SRGAP2C: variants seen among roughly 807,000 people sequenced by gnomAD.
SRGAP2C encodes SLIT-ROBO Rho GTPase activating protein 2C.
A neutral mutation model predicts 25.1 loss-of-function variants in SRGAP2C; 15 were observed. That is an observed-to-expected ratio of 0.60 (90% CI 0.40 to 0.92). The LOEUF (loss-of-function observed/expected upper bound fraction) is 0.92. Among genes scored for constraint, SRGAP2C ranks in the 40% least tolerant of loss-of-function variants. SRGAP2C has a pLI of 0.00. For synonymous variants in SRGAP2C, 44 were observed against 96.6 expected (o/e 0.46, Z 3.19); for missense variants, 144 against 264.4 (o/e 0.54, Z 3.16).
chr1:121,355,285 A>G (rs1659037444), intron 4 of SRGAP2C, among the ~76,000 whole-genome samples: 1 of 147,062 alleles, frequency 6.8e-6, no homozygotes, highest in South Asian at 2.2e-4. Context: ...GCGCCTGACA[A>G]CTGCGGGTAG....
intron 2 of SRGAP2C, among the ~76,000 whole-genome samples, chr1:121,204,349 G>T (rs1655063829): frequency 6.6e-6 from 1 of 150,924 alleles, no homozygotes; most frequent in Non-Finnish European, 1.5e-5. Flanking sequence ...CAGGGTGGTT[G>T]TATAGATAAA....
At chr1:121,329,915 G>A (rs1484894469) in intron 4 of SRGAP2C, among the ~76,000 whole-genome samples, 1 of 151,788 alleles carries the variant, frequency 6.6e-6, no homozygotes, top group Non-Finnish European at 1.5e-5. Flanking sequence ...TGTAATGAAA[G>A]CTCAGTCTGT....
intron 2 of SRGAP2C, among the ~76,000 whole-genome samples, chr1:121,279,649 G>C (rs1367682707): frequency 8.8e-5 from 13 of 147,168 alleles, no homozygotes; most frequent in Admixed American, 8.2e-4. Flanking sequence ...TAGTGTCTCA[G>C]CTGTGGCCAA....
chr1:121,363,863 T>C (rs1310031157), intron 4 of SRGAP2C, among the ~76,000 whole-genome samples: 2 of 150,846 alleles, frequency 1.3e-5, no homozygotes, highest in African/African-American at 4.9e-5. Context: ...ATAACAACAC[T>C]TAGAGTGGTG....
intron 5 of SRGAP2C, among the ~76,000 whole-genome samples, chr1:121,370,250 AG>A (rs1299760118): frequency 9.4e-6 from 1 of 106,380 alleles, no homozygotes; most frequent in Non-Finnish European, 1.9e-5. Context: ...AGTTGTGAAG[AG>A]GCCTAGACCA....
chr1:121,279,856 G>A (rs1310702589), intron 2 of SRGAP2C, among the ~76,000 whole-genome samples: 1 of 138,688 alleles, frequency 7.2e-6, no homozygotes, highest in African/African-American at 2.7e-5. Context: ...TTTGCTTTAG[G>A]AATAGTCAAT....
At chr1:121,282,846 C>T (rs1487281273) in intron 2 of SRGAP2C, among the ~76,000 whole-genome samples, 11 of 150,970 alleles carry the variant, frequency 7.3e-5, no homozygotes, top group South Asian at 2.1e-4. Context: ...GCGTGAGCCA[C>T]CGCACCTGGC....
At chr1:121,315,590 G>C (rs1192814644) in intron 3 of SRGAP2C, among the ~76,000 whole-genome samples, 101 of 151,472 alleles carry the variant, frequency 6.7e-4, no homozygotes, top group African/African-American at 2.2e-3. Context: ...ATATCAACAT[G>C]GTTAATAATA....
intron 2 of SRGAP2C, among the ~76,000 whole-genome samples, chr1:121,187,794 G>T (rs1289370710): frequency 6.6e-6 from 1 of 152,126 alleles, no homozygotes; most frequent in Non-Finnish European, 1.5e-5. Context: ...CAGGGTGGGG[G>T]GAGGGGCAGG....
intron 4 of SRGAP2C, among the ~76,000 whole-genome samples, chr1:121,337,634 A>AAAATAAATAAATAAAT (rs1553342625): frequency 3.5e-5 from 5 of 143,316 alleles, no homozygotes; most frequent in African/African-American, 1.3e-4. Flanking sequence ...TCCGACTCAA[A>AAAATAAATAAATAAAT]AAATAAATAA....
At chr1:121,249,576 A>T (rs1196033669) in intron 2 of SRGAP2C, among the ~76,000 whole-genome samples, 263 of 21,218 alleles carry the variant, frequency 0.012, 1 homozygote, top group Non-Finnish European at 0.017. Flanking sequence ...ATATATATAT[A>T]TATATTTTTT....
intron 2 of SRGAP2C, among the ~76,000 whole-genome samples, chr1:121,278,823 G>A (rs1367744801): frequency 1.4e-5 from 2 of 144,656 alleles, no homozygotes; most frequent in East Asian, 2.2e-4. Context: ...GCAAGACTTG[G>A]CAGGGCATTC....
chr1:121,383,327 G>T (rs587613983), intron 8 of SRGAP2C, among the ~76,000 whole-genome samples: 2 of 150,682 alleles, frequency 1.3e-5, no homozygotes, highest in African/African-American at 2.4e-5. Context: ...TCCCAGTGGT[G>T]AGGCTAGAAG....
intron 3 of SRGAP2C, among the ~76,000 whole-genome samples, chr1:121,296,204 G>A (rs1213312524): frequency 2.0e-5 from 3 of 151,830 alleles, no homozygotes; most frequent in African/African-American, 7.3e-5. Context: ...CAAAATGAAT[G>A]GCTGTATGCA....
At chr1:121,250,804 AC>A (rs1553331336) in intron 2 of SRGAP2C, among the ~76,000 whole-genome samples, 1 of 117,090 alleles carries the variant, frequency 8.5e-6, no homozygotes, top group African/African-American at 3.8e-5. Context: ...TATCATGGTC[AC>A]CCTTATGGAA....
chr1:121,289,346 G>C (rs1237576759), intron 3 of SRGAP2C, among the ~76,000 whole-genome samples: 1 of 151,118 alleles, frequency 6.6e-6, no homozygotes, highest in African/African-American at 2.4e-5. Flanking sequence ...CCACTGGCCC[G>C]GGTGCTAAGT....
At chr1:121,375,124 C>T (rs1203718297) in intron 7 of SRGAP2C, among the ~76,000 whole-genome samples, 170 bp downstream of exon 7, 1 of 151,446 alleles carries the variant, frequency 6.6e-6, no homozygotes, top group Non-Finnish European at 1.5e-5. Flanking sequence ...AAACACTTCA[C>T]ACTTATTCAA....
chr1:121,239,228 AC>A (rs1236483632), intron 2 of SRGAP2C, among the ~76,000 whole-genome samples: 5 of 2,084 alleles, frequency 2.4e-3, no homozygotes, highest in Non-Finnish European at 3.3e-3. Flanking sequence ...ATATATATAT[AC>A]TATATATATA....
At chr1:121,295,887 G>A (rs1264744384) in intron 3 of SRGAP2C, among the ~76,000 whole-genome samples, 5 of 152,034 alleles carry the variant, frequency 3.3e-5, no homozygotes, top group South Asian at 2.1e-4. Flanking sequence ...TCAGCCTCCC[G>A]AGTAGCTGGG....
Sources: gnomAD v4.1 joint callset for allele counts (sites outside exome capture counted in the v4.1 genomes callset) on GRCh38, gnomAD v4.1.1 for gene constraint, MANE v1.5 for transcripts, NCBI Gene and HGNC (gene_info 2026-07-23, HGNC 2026-07-21) for gene names.